The following STX7 variants were observed in gnomAD, a reference collection of about 807,000 sequenced individuals.
STX7 encodes syntaxin 7.
STX7 carries 34 observed loss-of-function variants against 39.6 expected under a neutral mutation model. That is an observed-to-expected ratio of 0.86 (90% CI 0.65 to 1.14). The LOEUF (loss-of-function observed/expected upper bound fraction) is 1.14, where lower values mean the gene tolerates loss of function less well. STX7 is among the 50% of genes most tolerant of loss of function. The pLI, the probability that STX7 is intolerant of heterozygous loss-of-function variation, is 0.00. For synonymous variants in STX7, 119 were observed against 99.1 expected, an observed-to-expected ratio of 1.20 and a Z score of -1.19; for missense variants, 284 against 310.4, an observed-to-expected ratio of 0.92 and a Z score of 0.64.
intron 2 of STX7, among the ~76,000 whole-genome samples, chr6:132,485,427 T>C (rs941950151): frequency 4.6e-5 from 7 of 152,216 alleles, no homozygotes; most frequent in Non-Finnish European, 7.3e-5. Flanking sequence ...TTGATGGACA[T>C]TTGTGTTGTT....
chr6:132,472,285 T>C lies in STX7; in HGVS notation c.246A>G (p.Glu82=). ...EFGSLPTTPS[E]QRQRKIQKDR... is the part of the protein sequence containing the mutation. ...AATGTGTCTTAAAGCTTGATACCTGTTCACTGGGGGTGGTGGGCAGAGATC... is the reference window on the plus strand; with the variant it reads ...AATGTGTCTTAAAGCTTGATACCTGCTCACTGGGGGTGGTGGGCAGAGATC... The change falls in exon 4 of 10, where the codon GAA becomes GAG. Residue 82 remains glutamate, a synonymous_variant. Transcript: ENST00000367941. The C allele has an allele frequency of 6.2e-7, 1 of 1,611,744 alleles. No individual in the cohort carries two copies. The highest frequency in any genetic ancestry group is 8.5e-7 in the Non-Finnish European group (1 of 1,179,132).
In STX7 at chr6:132,460,625, C is replaced by G. The variant is rs1340118568; in HGVS notation, c.*133G>C. The G allele has an allele frequency of 3.2e-6, 2 of 618,724 alleles. No homozygotes were observed. Among genetic ancestry groups the G allele is most frequent in the Middle Eastern group, 3.2e-4 (1 of 3,106 alleles). The allele number at this position is 618,724 out of a possible 1,614,324, so 38.3% of individuals were successfully genotyped here. Reference sequence around the variant, plus strand: ...ATCCAAAGGAACCACCCCAACCCCCCCAATAAAAATAACAAAGTATGGGAA... The same window carrying G: ...ATCCAAAGGAACCACCCCAACCCCCGCAATAAAAATAACAAAGTATGGGAA... On this transcript the variant is annotated 3_prime_UTR_variant, in exon 10 of 10. Coordinates refer to ENST00000367941, the MANE Select transcript of STX7 (RefSeq NM_003569.3).
At chr6:132,464,523 A>G (rs2114357688) in intron 8 of STX7, among the ~76,000 whole-genome samples, 1 of 150,392 alleles carries the variant, frequency 6.6e-6, no homozygotes, top group South Asian at 2.2e-4. Context: ...TTGACTTTTC[A>G]AAGAATATTA....
intron 1 of STX7, among the ~76,000 whole-genome samples, chr6:132,512,583 G>C (rs1272551710): frequency 6.6e-6 from 1 of 152,216 alleles, no homozygotes; most frequent in African/African-American, 2.4e-5. Context: ...GGGAAGTTTA[G>C]TGTGTTTTTC....
Position 132,471,478 on chromosome 6 carries a change from G to A in STX7, c.372C>T (p.Ala124=). 1 of 1,613,678 alleles carries A rather than the reference G, an allele frequency of 6.2e-7. No homozygotes were observed. The highest frequency in any genetic ancestry group is 8.5e-7 in the Non-Finnish European group (1 of 1,179,816). The change falls in exon 5 of 10, where the codon GCC becomes GCT. Residue 124 remains alanine (A), a synonymous_variant. Coordinates refer to ENST00000367941, the MANE Select transcript of STX7 (RefSeq NM_003569.3). ...AAATACTTACAGACACTCTGGAACT[G>A]GCTCTTACTCGAGCAACAAACTCTT... ...REKEFVARVR[A]SSRVSGSFPE... is the part of the protein sequence containing the mutation.
chr6:132,490,645 C>T (rs1047936023), intron 2 of STX7, among the ~76,000 whole-genome samples: 1 of 152,022 alleles, frequency 6.6e-6, no homozygotes, highest in African/African-American at 2.4e-5. Flanking sequence ...GGAGAATAAC[C>T]GGGGTTGCAG....
chr6:132,475,609 C>A lies in STX7; in HGVS notation c.139G>T (p.Glu47Ter), dbSNP rs1201981928. 6.2e-7 allele frequency: 1 copy of A among 1,606,298 alleles called. No homozygotes were observed. The highest frequency in any genetic ancestry group is 1.1e-5 in the South Asian group (1 of 89,458). The stretch of plus-strand genomic sequence containing the variant: ...GATACTTACAACTGTTGCCTCAATT[C>A]AGGTGAATCTTGAGGTGTTCCAAGT... ...NQLGTPQDSP[E>*]LRQQLQQKQQ... The change falls in exon 3 of 10, where the codon GAA (glutamate) becomes TAA (stop). Residue 47 changes from glutamate (E) to a stop codon, truncating the protein, a stop_gained. Coordinates refer to ENST00000367941, the MANE Select transcript of STX7 (RefSeq NM_003569.3). LOFTEE classifies it high-confidence loss of function.
intron 2 of STX7, among the ~76,000 whole-genome samples, chr6:132,484,590 C>T (rs1239234056): frequency 6.6e-6 from 1 of 152,196 alleles, no homozygotes; most frequent in Non-Finnish European, 1.5e-5. Flanking sequence ...TAGCTATCTT[C>T]TCTTTTAGCA....
intron 1 of STX7, among the ~76,000 whole-genome samples, chr6:132,511,049 C>T (rs1316721352): frequency 6.6e-6 from 1 of 152,116 alleles, no homozygotes. Context: ...TACCCTCTAC[C>T]CCAAGTAAGT....
chr6:132,496,258 A>C (rs770428070), intron 2 of STX7, among the ~76,000 whole-genome samples: 1 of 152,150 alleles, frequency 6.6e-6, no homozygotes, highest in Non-Finnish European at 1.5e-5. Flanking sequence ...CTTTCAGGTT[A>C]TTATTTTAAA....
At chr6:132,484,263 T>C (rs553500968) in intron 2 of STX7, among the ~76,000 whole-genome samples, 94 of 152,338 alleles carry the variant, frequency 6.2e-4, no homozygotes, top group Non-Finnish European at 1.1e-3. Flanking sequence ...GATGCACTAC[T>C]GGGTCATCAA....
At chr6:132,481,168 T>G (rs557420779) in intron 2 of STX7, among the ~76,000 whole-genome samples, 6 of 152,088 alleles carry the variant, frequency 3.9e-5, no homozygotes, top group Non-Finnish European at 5.9e-5. Context: ...GTTTTTAAGC[T>G]TAGGTATGAA....
At chr6:132,473,023 G>A (rs1000006324) in intron 3 of STX7, among the ~76,000 whole-genome samples, 4 of 152,160 alleles carry the variant, frequency 2.6e-5, no homozygotes, top group Admixed American at 2.6e-4. Context: ...GGTAGGTGTG[G>A]TGGAGCATGC....
At chr6:132,466,013 C>T (rs1188318978) in intron 8 of STX7, among the ~76,000 whole-genome samples, 3 of 152,208 alleles carry the variant, frequency 2.0e-5, no homozygotes, top group African/African-American at 7.2e-5. Flanking sequence ...TCCATTTTTG[C>T]AGCTATGACT....
rs1178937720 is a variant in STX7 at position 132,457,343 on chromosome 6, G to A, written c.*3415C>T. 4 of 152,246 alleles carry A rather than the reference G, an allele frequency of 2.6e-5. No individual in the cohort carries two copies. The highest frequency in any genetic ancestry group is 9.6e-5 in the African/African-American group (4 of 41,462). The allele number at this position is 152,246 out of a possible 1,614,324, so 9.4% of individuals were successfully genotyped here. On this transcript the variant is annotated 3_prime_UTR_variant, in exon 10 of 10. Coordinates refer to ENST00000367941, the MANE Select transcript of STX7 (RefSeq NM_003569.3). ...TCTACTGACTTTGGAAAATCCAGCTGAAATGAGGAAAGATAATCGTGCATG... is the reference window on the plus strand; with the variant it reads ...TCTACTGACTTTGGAAAATCCAGCTAAAATGAGGAAAGATAATCGTGCATG...
chr6:132,470,772 G>C (rs540898171), intron 5 of STX7, 146 bp from the exon 6 acceptor site: 10 of 412,578 alleles, frequency 2.4e-5, no homozygotes, highest in African/African-American at 1.4e-4. Context: ...TAGAGACAGA[G>C]AGAAAGAAGT....
intron 2 of STX7, among the ~76,000 whole-genome samples, chr6:132,500,428 T>C (rs1775529830): frequency 6.6e-6 from 1 of 152,220 alleles, no homozygotes; most frequent in Non-Finnish European, 1.5e-5. Flanking sequence ...TTTGAATTTT[T>C]AATGCTAGTT....
intron 9 of STX7, among the ~76,000 whole-genome samples, chr6:132,463,725 A>G (rs1196558667): frequency 3.3e-5 from 5 of 152,216 alleles, no homozygotes; most frequent in Non-Finnish European, 4.4e-5. Context: ...CCCGGCCATC[A>G]GAAAGCCTAG....
At chr6:132,477,513 G>A (rs1774903690) in intron 2 of STX7, among the ~76,000 whole-genome samples, 1 of 151,984 alleles carries the variant, frequency 6.6e-6, no homozygotes, top group Admixed American at 6.6e-5. Flanking sequence ...CCAGCATATA[G>A]CAAAATACAT....
Sources: gnomAD v4.1 joint callset for allele counts (sites outside exome capture counted in the v4.1 genomes callset) on GRCh38, gnomAD v4.1.1 for gene constraint, MANE v1.5 for transcripts, NCBI Gene and HGNC (gene_info 2026-07-23, HGNC 2026-07-21) for gene names.